The following SNTG1 variants were observed in gnomAD, a reference collection of about 807,000 sequenced individuals.
SNTG1 encodes gamma-1-syntrophin.
Under a neutral mutation model 74.7 loss-of-function variants are expected in SNTG1, and 39 were observed. The observed-to-expected ratio is 0.52, with a 90% CI of 0.40 to 0.68. The LOEUF (loss-of-function observed/expected upper bound fraction) is 0.68, where lower values mean the gene tolerates loss of function less well. SNTG1 is among the 30% of genes least tolerant of loss of function. SNTG1 has a pLI of 0.00. For synonymous variants in SNTG1, 254 were observed against 217.1 expected (o/e 1.17, Z -1.49); for missense variants, 685 against 609.5 (o/e 1.12, Z -1.30).
chr8:50,463,003 G>A (rs762836676), intron 8 of SNTG1, among the ~76,000 whole-genome samples: 1 of 151,820 alleles, frequency 6.6e-6, no homozygotes, highest in Non-Finnish European at 1.5e-5. Flanking sequence ...TTTTAGTAGA[G>A]ATGGGGTTTC....
intron 1 of SNTG1, among the ~76,000 whole-genome samples, chr8:50,033,010 T>G (rs1441830309): frequency 2.7e-5 from 4 of 146,774 alleles, no homozygotes; most frequent in Non-Finnish European, 4.5e-5. Context: ...CCTCTTTCAG[T>G]TTTTTTTTTA....
intron 2 of SNTG1, among the ~76,000 whole-genome samples, chr8:50,211,658 A>G (rs2084526828): frequency 6.6e-6 from 1 of 152,188 alleles, no homozygotes; most frequent in African/African-American, 2.4e-5. Flanking sequence ...ATTATCAATG[A>G]ACTGAGCCAT....
At chr8:49,930,783 T>G (rs391798) in intron 1 of SNTG1, among the ~76,000 whole-genome samples, 130,119 of 152,110 alleles carry the variant, frequency 0.86, 55,842 homozygotes, top group East Asian at 1. Flanking sequence ...CTTTCCAATA[T>G]TTGCACACAG....
intron 2 of SNTG1, among the ~76,000 whole-genome samples, chr8:50,381,668 T>TTTTA (rs2092485000): frequency 9.8e-6 from 1 of 101,836 alleles, no homozygotes; most frequent in African/African-American, 3.9e-5. Flanking sequence ...ATCCTATTAG[T>TTTTA]TATATATATA....
intron 18 of SNTG1, among the ~76,000 whole-genome samples, chr8:50,764,096 C>T (rs1376698384): frequency 6.6e-6 from 1 of 151,638 alleles, no homozygotes; most frequent in East Asian, 2.0e-4. Context: ...TCTCCAATAA[C>T]AGGGTGACAA....
chr8:50,162,559 C>CA (rs34746562), intron 1 of SNTG1, among the ~76,000 whole-genome samples: 2,547 of 83,616 alleles, frequency 0.03, 32 homozygotes, highest in Middle Eastern at 0.04. Context: ...GACTCTGTCT[C>CA]AAAAAAAAAA....
chr8:50,232,617 A>G (rs373244855), intron 2 of SNTG1, among the ~76,000 whole-genome samples: 4 of 151,448 alleles, frequency 2.6e-5, no homozygotes, highest in African/African-American at 9.7e-5. Flanking sequence ...CATATGCAAA[A>G]GAGTCTGAAG....
chr8:50,207,684 C>A (rs1355963203), intron 2 of SNTG1, among the ~76,000 whole-genome samples: 1 of 152,114 alleles, frequency 6.6e-6, no homozygotes, highest in Non-Finnish European at 1.5e-5. Flanking sequence ...ATCTTTCCTG[C>A]TTTCTCTTGT....
chr8:50,292,549 T>C (rs2089167796), intron 2 of SNTG1, among the ~76,000 whole-genome samples: 1 of 152,034 alleles, frequency 6.6e-6, no homozygotes, highest in Non-Finnish European at 1.5e-5. Flanking sequence ...CTTATAGAAA[T>C]ACCTGTGAGG....
At chr8:50,509,182 T>C (rs1403857976) in intron 9 of SNTG1, among the ~76,000 whole-genome samples, 3 of 152,216 alleles carry the variant, frequency 2.0e-5, no homozygotes, top group South Asian at 2.1e-4. Context: ...TAGGGAATCC[T>C]TTCCCCATTG....
intron 2 of SNTG1, among the ~76,000 whole-genome samples, chr8:50,307,015 T>A (rs2089927408): frequency 6.6e-6 from 1 of 152,098 alleles, no homozygotes; most frequent in African/African-American, 2.4e-5. Context: ...TCTCTCAACA[T>A]CATGTATATG....
At chr8:50,079,167 T>G (rs1822167655) in intron 1 of SNTG1, among the ~76,000 whole-genome samples, 1 of 152,184 alleles carries the variant, frequency 6.6e-6, no homozygotes, top group South Asian at 2.1e-4. Context: ...TAATTTACAC[T>G]CCCACCAACA....
chr8:50,301,730 A>G (rs1228253057), intron 2 of SNTG1, among the ~76,000 whole-genome samples: 1 of 151,702 alleles, frequency 6.6e-6, no homozygotes, highest in Non-Finnish European at 1.5e-5. Flanking sequence ...TTTTCTGTTC[A>G]TTTATTTTGG....
intron 2 of SNTG1, among the ~76,000 whole-genome samples, chr8:50,282,488 A>T (rs949735434): frequency 2.6e-5 from 4 of 152,218 alleles, no homozygotes; most frequent in African/African-American, 9.6e-5. Context: ...TCAATTTATA[A>T]GGCCAGGAAA....
At chr8:49,933,858 C>A (rs1015519839) in intron 1 of SNTG1, among the ~76,000 whole-genome samples, 1 of 152,072 alleles carries the variant, frequency 6.6e-6, no homozygotes, top group Non-Finnish European at 1.5e-5. Flanking sequence ...ACCTCCTGGA[C>A]TTGGTTGTGG....
intron 2 of SNTG1, among the ~76,000 whole-genome samples, chr8:50,297,963 T>G (rs2089467901): frequency 6.6e-6 from 1 of 151,606 alleles, no homozygotes; most frequent in South Asian, 2.1e-4. Flanking sequence ...ATTGTTTTTG[T>G]TGTCAAAAAC....
intron 1 of SNTG1, among the ~76,000 whole-genome samples, chr8:50,043,429 G>T (rs572352097): frequency 6.6e-6 from 1 of 152,258 alleles, no homozygotes; most frequent in East Asian, 1.9e-4. Flanking sequence ...ATTTTAAAAA[G>T]AAGTAACTGG....
At chr8:50,570,991 T>C (rs6987557) in intron 12 of SNTG1, among the ~76,000 whole-genome samples, 92,125 of 151,880 alleles carry the variant, frequency 0.61, 30,683 homozygotes, top group East Asian at 0.78. Flanking sequence ...GTACAAGCGT[T>C]CCCCTTTCTC....
chr8:50,697,789 G>A (rs941786166), intron 15 of SNTG1, among the ~76,000 whole-genome samples: 5 of 152,128 alleles, frequency 3.3e-5, no homozygotes, highest in African/African-American at 4.8e-5. Context: ...GTAAAATCAA[G>A]TTGGTCATGA....
Sources: gnomAD v4.1 joint callset for allele counts (sites outside exome capture counted in the v4.1 genomes callset) on GRCh38, gnomAD v4.1.1 for gene constraint, MANE v1.5 for transcripts, NCBI Gene and HGNC (gene_info 2026-07-23, HGNC 2026-07-21) for gene names.